The following KCTD1 variants were observed in gnomAD, a reference collection of about 807,000 sequenced individuals.
KCTD1 encodes potassium channel tetramerization domain containing 1.
KCTD1 carries 24 observed loss-of-function variants against 66.0 expected under a neutral mutation model. The observed-to-expected ratio is 0.36, with a 90% CI of 0.26 to 0.51. The LOEUF is 0.51. Ranked by LOEUF, KCTD1 falls within the 20% of genes least tolerant of loss-of-function variation. KCTD1 has a pLI of 0.95. For missense variants in KCTD1, 943 were observed against 1,205.2 expected, an observed-to-expected ratio of 0.78 and a Z score of 3.22; for synonymous variants, 511 against 517.2, an observed-to-expected ratio of 0.99 and a Z score of 0.16.
At chr18:26,651,244 A>C (rs1988026003) in intron 1 of KCTD1, among the ~76,000 whole-genome samples, 1 of 152,230 alleles carries the variant, frequency 6.6e-6, no homozygotes, top group Non-Finnish European at 1.5e-5. Flanking sequence ...AGTGCCCTTG[A>C]AAAGGGCTTA....
intron 1 of KCTD1, among the ~76,000 whole-genome samples, chr18:26,515,509 C>CTTTTTTTTT (rs11389627): frequency 7.5e-6 from 1 of 133,120 alleles, no homozygotes. Flanking sequence ...CCTCTTTTTT[C>CTTTTTTTTT]TTTTTTTTTT....
At chr18:26,648,172 T>C (rs764839232) in intron 1 of KCTD1, among the ~76,000 whole-genome samples, 5 of 152,118 alleles carry the variant, frequency 3.3e-5, no homozygotes, top group Non-Finnish European at 5.9e-5. Flanking sequence ...TTCTTACCTC[T>C]TCATCAAATG....
At chr18:26,586,726 A>T (rs1431073054) in intron 1 of KCTD1, among the ~76,000 whole-genome samples, 2 of 152,242 alleles carry the variant, frequency 1.3e-5, no homozygotes, top group African/African-American at 2.4e-5. Flanking sequence ...TGATATGGAG[A>T]AAGTTTGAGT....
intron 1 of KCTD1, among the ~76,000 whole-genome samples, chr18:26,514,009 A>G (rs542849569): frequency 2.0e-5 from 3 of 152,356 alleles, no homozygotes; most frequent in East Asian, 3.9e-4. Context: ...GGTGCTTAAT[A>G]AGCAAAATGC....
chr18:26,544,804 G>A (rs575249656), intron 1 of KCTD1: 12 of 152,322 alleles, frequency 7.9e-5, no homozygotes, highest in African/African-American at 2.9e-4. Context: ...TACTAAAAAT[G>A]TGCAAACTGA....
At chr18:26,481,800 G>GC (rs1981661325) in intron 2 of KCTD1, among the ~76,000 whole-genome samples, 1 of 152,102 alleles carries the variant, frequency 6.6e-6, no homozygotes, top group Admixed American at 6.5e-5. Context: ...ATGATGCTGG[G>GC]CCCCCATCCC....
chr18:26,598,525 T>C (rs1372552094), intron 1 of KCTD1, among the ~76,000 whole-genome samples: 4 of 151,862 alleles, frequency 2.6e-5, no homozygotes, highest in Non-Finnish European at 2.9e-5. Flanking sequence ...AGTACAAATG[T>C]GGGGCCATAT....
intron 1 of KCTD1, among the ~76,000 whole-genome samples, chr18:26,514,357 A>G (rs1387553312): frequency 6.6e-6 from 1 of 152,100 alleles, no homozygotes; most frequent in Non-Finnish European, 1.5e-5. Context: ...GTTCGAGACC[A>G]GCCTGGGCAA....
At chr18:26,497,303 G>A (rs1215775718) in intron 2 of KCTD1, among the ~76,000 whole-genome samples, 2 of 152,108 alleles carry the variant, frequency 1.3e-5, no homozygotes, top group Admixed American at 6.6e-5. Flanking sequence ...GTGACACTAA[G>A]GAAGAGGTAG....
At chr18:26,533,979 G>T (rs984756760) in intron 1 of KCTD1, among the ~76,000 whole-genome samples, 2 of 152,062 alleles carry the variant, frequency 1.3e-5, no homozygotes, top group Admixed American at 1.3e-4. Flanking sequence ...TTGGAATATG[G>T]TTTACTGGTA....
intron 1 of KCTD1, among the ~76,000 whole-genome samples, chr18:26,561,558 C>T (rs929001697): frequency 4.6e-5 from 7 of 152,166 alleles, no homozygotes; most frequent in African/African-American, 1.7e-4. Context: ...GGTCTTCTTA[C>T]CACGCCCACC....
At chr18:26,464,481 T>C (rs570381314) in intron 3 of KCTD1, among the ~76,000 whole-genome samples, 2 of 152,336 alleles carry the variant, frequency 1.3e-5, no homozygotes, top group African/African-American at 2.4e-5. Flanking sequence ...TGCAAAGCAT[T>C]GTATTCACAG....
intron 1 of KCTD1, among the ~76,000 whole-genome samples, chr18:26,576,881 G>A (rs1986237038): frequency 6.6e-6 from 1 of 152,094 alleles, no homozygotes; most frequent in Admixed American, 6.5e-5. Context: ...AGTGCAGAAG[G>A]TAAAAAATGA....
intron 1 of KCTD1, among the ~76,000 whole-genome samples, chr18:26,634,660 G>C (rs971200165): frequency 6.6e-6 from 1 of 152,156 alleles, no homozygotes; most frequent in Non-Finnish European, 1.5e-5. Context: ...CAATCTTGTA[G>C]ATATTTTAAA....
chr18:26,474,424 T>C (rs1356710468), intron 3 of KCTD1, among the ~76,000 whole-genome samples: 9 of 152,240 alleles, frequency 5.9e-5, no homozygotes, highest in Admixed American at 5.9e-4. Flanking sequence ...CCTCCAAAAA[T>C]GTTTAATGAT....
At chr18:26,625,801 G>A (rs2469422) in intron 1 of KCTD1, among the ~76,000 whole-genome samples, 151,588 of 152,260 alleles carry the variant, frequency 1, 75,465 homozygotes, top group Middle Eastern at 1. Context: ...TTGCCTCTCT[G>A]GTCCCCCTTC....
intron 1 of KCTD1, among the ~76,000 whole-genome samples, chr18:26,593,528 G>A (rs1156765340): frequency 1.2e-5 from 1 of 85,944 alleles, no homozygotes; most frequent in Non-Finnish European, 2.4e-5. Flanking sequence ...AAGAAGACAA[G>A]GAGAAGGAGG....
chr18:26,570,191 A>AAATAT (rs776923644), intron 1 of KCTD1, among the ~76,000 whole-genome samples: 51 of 132,550 alleles, frequency 3.8e-4, no homozygotes, highest in African/African-American at 1.1e-3. Flanking sequence ...ATCTAAAAAA[A>AAATAT]ATATATATAT....
intron 1 of KCTD1, among the ~76,000 whole-genome samples, chr18:26,620,791 C>G (rs927076059): frequency 8.8e-5 from 13 of 147,796 alleles, no homozygotes; most frequent in Non-Finnish European, 1.8e-4. Flanking sequence ...GGTGGTGTAG[C>G]TTTATTCACT....
Sources: gnomAD v4.1 joint callset for allele counts (sites outside exome capture counted in the v4.1 genomes callset) on GRCh38, gnomAD v4.1.1 for gene constraint, MANE v1.5 for transcripts, NCBI Gene and HGNC (gene_info 2026-07-23, HGNC 2026-07-21) for gene names.